Variants in MAG observed in about 807,000 individuals in gnomAD.
MAG encodes myelin associated glycoprotein, also known as myelin-associated glycoprotein.
In MAG, 30 loss-of-function variants were observed where a neutral mutation model predicts 60.7. The ratio of observed to expected loss-of-function variants is 0.49; its 90% CI spans 0.37 to 0.67. The LOEUF is 0.67. MAG is among the 30% of genes least tolerant of loss of function. The pLI is 0.00. For synonymous variants in MAG, 384 were observed against 376.8 expected, an observed-to-expected ratio of 1.02 and a Z score of -0.22; for missense variants, 795 against 851.7, an observed-to-expected ratio of 0.93 and a Z score of 0.83.
At chr19:35,292,782 A>T (rs1348357259) in intron 1 of MAG, among the ~76,000 whole-genome samples, 1 of 151,114 alleles carries the variant, frequency 6.6e-6, no homozygotes, top group Non-Finnish European at 1.5e-5. Flanking sequence ...TTTTTTTTTA[A>T]GAGACGGGAC....
intron 7 of MAG, among the ~76,000 whole-genome samples, chr19:35,303,690 T>C (rs1360782803): frequency 1.3e-5 from 2 of 152,094 alleles, no homozygotes; most frequent in East Asian, 3.8e-4. Flanking sequence ...GCTGGAGAGA[T>C]GACACAGATG....
At chr19:35,297,785 C>T (rs11672031) in intron 4 of MAG, among the ~76,000 whole-genome samples, 67,426 of 149,596 alleles carry the variant, frequency 0.45, 15,646 homozygotes, top group East Asian at 0.65. Context: ...ATACATGCGC[C>T]ACCCCCACAT....
chr19:35,299,798 CT>C lies in MAG; in HGVS notation c.662del (p.Phe221SerfsTer21). 1 of 1,541,756 alleles carries C rather than the reference CT, an allele frequency of 6.5e-7. No individual in the cohort carries two copies. ...GCCACAGGCTGGGCTGCCAGGCCTC[CT>C]TCCCCAACACCACCCTGCAGTTCGA... ...NGHRLGCQAS[F>X]PNTTLQFEGY... On this transcript the variant is annotated frameshift_variant, in exon 5 of 11. Coordinates refer to ENST00000392213, the MANE Select transcript of MAG (RefSeq NM_002361.4). LOFTEE classifies it high-confidence loss of function.
At chr19:35,312,406 G>C in intron 10 of MAG, 1 of 1,305,258 alleles carries the variant, frequency 7.7e-7, no homozygotes, top group Non-Finnish European at 1.1e-6. Context: ...GTGTGTCCCT[G>C]TCAGGCGTCA....
rs2066390766 is a variant in MAG at position 35,295,628 on chromosome 19, A to G, written c.62A>G (p.His21Arg). Residue 21 changes from histidine to arginine, a missense_variant, in exon 4 of 11, where the codon CAC (histidine) becomes CGC (arginine). By Grantham distance (29) the His-to-Arg change is conservative (BLOSUM62 0). Transcript: ENST00000392213. The surrounding 1 kb of genome is among the most constrained non-coding windows in gnomAD (Gnocchi z 5.8). ...TTGCCCGCAGCCTCCCGAGGGGGTC[A>G]CTGGGGTGCCTGGATGCCCTCGTCC... ...WIMISASRGGHWGAWMPSSIS... is the reference protein window; with the variant it reads ...WIMISASRGGRWGAWMPSSIS... 1 of 1,607,756 alleles carries G rather than the reference A, an allele frequency of 6.2e-7. No individual in the cohort carries two copies. Among genetic ancestry groups the G allele is most frequent in the Non-Finnish European group, 8.5e-7 (1 of 1,178,310 alleles).
At chr19:35,306,987 G>T (rs1442224700) in intron 7 of MAG, among the ~76,000 whole-genome samples, 1 of 152,206 alleles carries the variant, frequency 6.6e-6, no homozygotes, top group African/African-American at 2.4e-5. Context: ...AACAGTTTCC[G>T]CAGCTTCACA....
Position 35,295,980 on chromosome 19 carries a change from CA to C in MAG, c.415del (p.Asn139ThrfsTer34). The C allele has an allele frequency of 6.4e-7, 1 of 1,569,078 alleles. No individual in the cohort carries two copies. The highest frequency in any genetic ancestry group is 8.7e-7 in the Non-Finnish European group (1 of 1,155,206). ...FSEHSVLDIVNTPNIVVPPEV... is the reference protein window; with the variant it reads ...FSEHSVLDIVXTPNIVVPPEV... ...CAGAGCACAGCGTCCTGGATATCGT[CA>C]GTGAGTCCCCAGCGGTTGTGCAGGC... On this transcript the variant is annotated frameshift_variant and splice_region_variant, in exon 4 of 11. Coordinates refer to ENST00000392213, the MANE Select transcript of MAG (RefSeq NM_002361.4). LOFTEE classifies it high-confidence loss of function. The surrounding 1 kb of genome is among the most constrained non-coding windows in gnomAD (Gnocchi z 5.8).
rs764345835 is a variant in MAG, at chr19:35,313,475, G to C, written c.*21G>C. 1.3e-6 allele frequency: 2 copies of C among 1,599,002 alleles called. No individual in the cohort carries two copies. The highest frequency in any genetic ancestry group is 1.7e-6 in the Non-Finnish European group (2 of 1,173,188). On this transcript the variant is annotated 3_prime_UTR_variant, in exon 11 of 11. Coordinates refer to ENST00000392213, the MANE Select transcript of MAG (RefSeq NM_002361.4). ...AGTGAAGGAGCTGGGGGCAGCCTGCGTGGCTGACCCCCCTCAGGACCCTCG... is the reference window on the plus strand; with the variant it reads ...AGTGAAGGAGCTGGGGGCAGCCTGCCTGGCTGACCCCCCTCAGGACCCTCG...
Position 35,309,879 on chromosome 19 carries a change from C to G in MAG, c.1237C>G (p.Pro413Ala). Residue 413 changes from proline (P) to alanine (A), a missense_variant, in exon 8 of 11, where the codon CCT (proline) becomes GCT (alanine). Physicochemically the swap from Pro to Ala is conservative, Grantham distance 27 (BLOSUM62 -1). Transcript: ENST00000392213. Reference protein sequence around the residue: ...TAFNLSVEFAPVLLLESHCAA... With the variant: ...TAFNLSVEFAAVLLLESHCAA... ...ACCTGATTTTGCCCCTGCAGTCGCCCCTGTGCTCCTCCTGGAGTCCCACTG... is the reference window on the plus strand; with the variant it reads ...ACCTGATTTTGCCCCTGCAGTCGCCGCTGTGCTCCTCCTGGAGTCCCACTG... 1 of 1,609,518 alleles carries G rather than the reference C, an allele frequency of 6.2e-7. No individual in the cohort carries two copies. Among genetic ancestry groups the G allele is most frequent in the South Asian group, 1.1e-5 (1 of 91,040 alleles).
intron 7 of MAG, 68 bp from the exon 8 acceptor site, chr19:35,309,806 A>C (rs2066511870): frequency 6.5e-6 from 10 of 1,547,044 alleles, no homozygotes; most frequent in Admixed American, 1.7e-5. Context: ...GCCTTGAGCC[A>C]AGGAGTCTCC....
At chr19:35,299,464 G>A (rs912963179) in intron 4 of MAG, 90 bp from the exon 5 acceptor site, 1 of 876,622 alleles carries the variant, frequency 1.1e-6, no homozygotes, top group African/African-American at 1.7e-5. Flanking sequence ...GCCAGCAATG[G>A]AGGTGGACAA....
At chr19:35,304,610 G>C (rs1365968978) in intron 7 of MAG, among the ~76,000 whole-genome samples, 1 of 151,926 alleles carries the variant, frequency 6.6e-6, no homozygotes, top group Non-Finnish European at 1.5e-5. Flanking sequence ...GCACGATCTT[G>C]GCTCACTGCA....
chr19:35,306,701 G>C (rs571570969), intron 7 of MAG, among the ~76,000 whole-genome samples: 30 of 152,360 alleles, frequency 2.0e-4, no homozygotes, highest in African/African-American at 6.7e-4. Context: ...GCCTCCCAAA[G>C]TGCTGGAATG....
intron 7 of MAG, among the ~76,000 whole-genome samples, chr19:35,309,104 C>T (rs1336736318): frequency 1.3e-5 from 2 of 152,098 alleles, no homozygotes; most frequent in African/African-American, 2.4e-5. Context: ...GTGTAAGAGC[C>T]AGGGCCCAGG....
At position 35,295,650 on chromosome 19, in the gene MAG, G is replaced by C; in HGVS notation, c.84G>C (p.Ser28=). The change falls in exon 4 of 11, where the codon TCG becomes TCC. Residue 28 remains serine, a synonymous_variant. Transcript: ENST00000392213. This position sits in a 1 kb window ranked among gnomAD's most constrained non-coding sequence, Gnocchi z 5.8. ...RGGHWGAWMP[S]SISAFEGTCV... ...GTCACTGGGGTGCCTGGATGCCCTC[G>C]TCCATCTCGGCCTTCGAAGGCACGT... The C allele has an allele frequency of 6.2e-7, 1 of 1,610,638 alleles. No individual in the cohort carries two copies. The highest frequency in any genetic ancestry group is 1.1e-5 in the South Asian group (1 of 90,968).
In MAG at chr19:35,295,795, C is replaced by T. The variant is rs759019774; in HGVS notation, c.229C>T (p.Arg77Cys). The change falls in exon 4 of 11, where the codon CGC (arginine) becomes TGC (cysteine). Residue 77 changes from arginine (R) to cysteine (C), a missense_variant. Arg to Cys is a radical substitution (Grantham distance 180). Coordinates refer to ENST00000392213, the MANE Select transcript of MAG (RefSeq NM_002361.4). This position sits in a 1 kb window ranked among gnomAD's most constrained non-coding sequence, Gnocchi z 5.8. The stretch of plus-strand genomic sequence containing the variant: ...CTACCCCCCGGTGGTCTTCAAGTCG[C>T]GCACCCAAGTAGTCCACGAGAGCTT... ...KNYPPVVFKS[R>C]TQVVHESFQG... The T allele has an allele frequency of 5.6e-6, 9 of 1,613,842 alleles. No homozygotes were observed. Among genetic ancestry groups the T allele is most frequent in the East Asian group, 4.5e-5 (2 of 44,878 alleles).
At chr19:35,313,210 T>C in intron 10 of MAG, 80 bp from the exon 11 acceptor site, 1 of 1,455,266 alleles carries the variant, frequency 6.9e-7, no homozygotes. Context: ...TCAGGAGCTC[T>C]GAGGGTGCAA....
chr19:35,310,096 G>C lies in MAG; in HGVS notation c.1454G>C (p.Arg485Pro). The C allele has an allele frequency of 6.2e-7, 1 of 1,612,902 alleles. No homozygotes were observed. Among genetic ancestry groups the C allele is most frequent in the Non-Finnish European group, 8.5e-7 (1 of 1,179,530 alleles). ...TLRGQAQAPP[R>P]VICTARNLYG... is the part of the protein sequence containing the mutation. ...CGGGGGCAGGCCCAGGCCCCGCCCCGCGTCATCTGCACCGCGAGGAACCTC... is the reference window on the plus strand; with the variant it reads ...CGGGGGCAGGCCCAGGCCCCGCCCCCCGTCATCTGCACCGCGAGGAACCTC... Residue 485 changes from arginine (R) to proline (P), a missense_variant, in exon 8 of 11, where the codon CGC (arginine) becomes CCC (proline). Coordinates refer to ENST00000392213, the MANE Select transcript of MAG (RefSeq NM_002361.4).
chr19:35,295,892 C>T lies in MAG; in HGVS notation c.326C>T (p.Pro109Leu). ...NCTLLLSNVS[P>L]ELGGKYYFRG... is the part of the protein sequence containing the mutation. Reference sequence around the variant, plus strand: ...ACCCTCCTGCTCAGCAACGTCAGCCCCGAGCTGGGCGGGAAGTACTACTTC... The same window carrying T: ...ACCCTCCTGCTCAGCAACGTCAGCCTCGAGCTGGGCGGGAAGTACTACTTC... The change falls in exon 4 of 11, where the codon CCC becomes CTC. Residue 109 changes from proline (P) to leucine (L), a missense_variant. Transcript: ENST00000392213. The surrounding 1 kb of genome is among the most constrained non-coding windows in gnomAD (Gnocchi z 5.8). 6.2e-7 allele frequency: 1 copy of T among 1,614,046 alleles called. No homozygotes were observed. Among genetic ancestry groups the T allele is most frequent in the South Asian group, 1.1e-5 (1 of 91,080 alleles).
Sources: gnomAD v4.1 joint callset for allele counts (sites outside exome capture counted in the v4.1 genomes callset) on GRCh38, gnomAD v4.1.1 for gene constraint, Gnocchi (gnomAD v3.1) non-coding constraint, MANE v1.5 for transcripts, NCBI Gene and HGNC (gene_info 2026-07-23, HGNC 2026-07-21) for gene names.